Variants in NCK2 observed in about 807,000 individuals in gnomAD.
NCK2 encodes cytoplasmic protein NCK2.
A neutral mutation model predicts 33.9 loss-of-function variants in NCK2; 16 were observed. The observed-to-expected ratio is 0.47, with a 90% CI of 0.32 to 0.72. The LOEUF is 0.72. NCK2 is among the 30% of genes least tolerant of loss of function. The pLI, the probability that NCK2 is intolerant of heterozygous loss-of-function variation, is 0.03. For missense variants in NCK2, 418 were observed against 537.3 expected, an observed-to-expected ratio of 0.78 and a Z score of 2.19; for synonymous variants, 273 against 239.9, an observed-to-expected ratio of 1.14 and a Z score of -1.27.
At chr2:105,875,115 T>C (rs1409269416) in intron 3 of NCK2, among the ~76,000 whole-genome samples, 1 of 152,224 alleles carries the variant, frequency 6.6e-6, no homozygotes, top group Non-Finnish European at 1.5e-5. Flanking sequence ...CCTGTGGTGG[T>C]AGCTTGGTTA....
chr2:105,766,898 G>A (rs967642777), intron 1 of NCK2, among the ~76,000 whole-genome samples: 1 of 152,226 alleles, frequency 6.6e-6, no homozygotes, highest in Non-Finnish European at 1.5e-5. Context: ...ACTGGCTGGA[G>A]GCTTCTGGCT....
At chr2:105,865,054 A>G (rs997170827) in intron 3 of NCK2, among the ~76,000 whole-genome samples, 2 of 152,312 alleles carry the variant, frequency 1.3e-5, no homozygotes, top group East Asian at 3.9e-4. Flanking sequence ...AGGCTCCCTC[A>G]GCCAGCATCA....
intron 1 of NCK2, among the ~76,000 whole-genome samples, chr2:105,764,987 G>A (rs1052262082): frequency 5.9e-5 from 9 of 151,282 alleles, no homozygotes; most frequent in Admixed American, 1.3e-4. Context: ...GCCTGTGTAC[G>A]TCTCTGGGTA....
intron 2 of NCK2, among the ~76,000 whole-genome samples, chr2:105,826,332 C>T (rs537390702): frequency 2.2e-4 from 33 of 152,264 alleles, no homozygotes; most frequent in African/African-American, 6.5e-4. Context: ...TGTCCATTAA[C>T]ACATGGGGAT....
chr2:105,893,467 A>G lies in NCK2; in HGVS notation c.*291A>G. On this transcript the variant is annotated 3_prime_UTR_variant, in exon 5 of 5. Coordinates refer to ENST00000233154, the MANE Select transcript of NCK2 (RefSeq NM_003581.5). ...CATTCAACTCGTTCCCGCTCATGGA[A>G]CCCCTCTTTAAAAAGACGCAGGGCA... is the stretch of plus-strand genomic sequence containing the variant. The G allele has an allele frequency of 6.2e-6, 2 of 323,574 alleles. No homozygotes were observed. The highest frequency in any genetic ancestry group is 5.0e-5 in the South Asian group (1 of 19,998). 20.0% of individuals were successfully genotyped at this position (323,574 alleles called of 1,614,324 possible). A position where few individuals can be genotyped will look rare whatever the true frequency, so the allele number is the denominator to read the frequency against.
In NCK2 at chr2:105,892,699, A is replaced by G. The variant is rs138997516; in HGVS notation, c.949-283A>G. On this transcript the variant is annotated intron_variant, in intron 4 of 4. Coordinates refer to ENST00000233154, the MANE Select transcript of NCK2 (RefSeq NM_003581.5). ...TGTCTCTACTAAAAATACAAATATT[A>G]GCCGGGCATGGTGGCAGGTTCCTGT... Among the ~76,000 whole-genome samples, 332 of 152,324 alleles carry G rather than the reference A, an allele frequency of 2.2e-3. 1 individual carries two copies. The highest frequency in any genetic ancestry group is 7.0e-3 in the African/African-American group (290 of 41,574).
intron 2 of NCK2, among the ~76,000 whole-genome samples, chr2:105,834,134 T>G (rs368180084): frequency 3.3e-5 from 5 of 152,240 alleles, no homozygotes; most frequent in African/African-American, 1.2e-4. Flanking sequence ...TGAAATTTTC[T>G]GTAAATGTCT....
intron 1 of NCK2, among the ~76,000 whole-genome samples, chr2:105,786,966 G>A (rs1463222205): frequency 6.6e-6 from 1 of 152,220 alleles, no homozygotes; most frequent in Non-Finnish European, 1.5e-5. Flanking sequence ...ACTTCAGCTG[G>A]CGTGGTGCCG....
chr2:105,859,437 A>G (rs909417616), intron 3 of NCK2, among the ~76,000 whole-genome samples: 3 of 151,996 alleles, frequency 2.0e-5, no homozygotes, highest in East Asian at 1.9e-4. Context: ...CCCAGGGCTC[A>G]CTCCTCAGCA....
At chr2:105,757,223 G>T (rs1022918170) in intron 1 of NCK2, among the ~76,000 whole-genome samples, 1 of 152,164 alleles carries the variant, frequency 6.6e-6, no homozygotes, top group African/African-American at 2.4e-5. Context: ...ATTGCATAGC[G>T]AAGTTTTAAA....
At chr2:105,791,493 GCTGCAGATTA>G (rs1448807542) in intron 1 of NCK2, among the ~76,000 whole-genome samples, 23 of 152,194 alleles carry the variant, frequency 1.5e-4, no homozygotes, top group African/African-American at 5.3e-4. Flanking sequence ...CCAGAGTGCT[GCTGCAGATTA>G]CTCTTCGCTC....
intron 1 of NCK2, among the ~76,000 whole-genome samples, chr2:105,766,288 A>G (rs1034865046): frequency 6.6e-6 from 1 of 151,930 alleles, no homozygotes; most frequent in African/African-American, 2.4e-5. Flanking sequence ...AACCTGATGT[A>G]TTTCTTTCTC....
chr2:105,760,740 G>A lies in NCK2; in HGVS notation c.-201+15602G>A, dbSNP rs558432857. Among the ~76,000 whole-genome samples, 67 of 152,282 alleles carry A rather than the reference G, an allele frequency of 4.4e-4. 1 individual carries two copies. The South Asian group carries it at 5.6e-3, about 13-fold the overall frequency. ...TGTGGAAAGGCCAGTCAGGGCCAGAGTAGGGAGGTCCCTAGATGCCAGGCT... is the reference window on the plus strand; with the variant it reads ...TGTGGAAAGGCCAGTCAGGGCCAGAATAGGGAGGTCCCTAGATGCCAGGCT... On this transcript the variant is annotated intron_variant, in intron 1 of 4. Transcript: ENST00000233154.
intron 1 of NCK2, among the ~76,000 whole-genome samples, chr2:105,768,145 A>G (rs963031880): frequency 6.6e-6 from 1 of 152,248 alleles, no homozygotes; most frequent in African/African-American, 2.4e-5. Context: ...CATAACCAAA[A>G]TATTTCAACA....
chr2:105,781,245 T>G (rs1263277082), intron 1 of NCK2, among the ~76,000 whole-genome samples: 2 of 152,220 alleles, frequency 1.3e-5, no homozygotes, highest in African/African-American at 4.8e-5. Context: ...CTTGTGAATT[T>G]TATGAACATG....
At chr2:105,792,297 A>G (rs951949235) in intron 1 of NCK2, among the ~76,000 whole-genome samples, 2 of 152,226 alleles carry the variant, frequency 1.3e-5, no homozygotes, top group African/African-American at 4.8e-5. Context: ...CATCATATTC[A>G]GTGTAGTCCT....
intron 1 of NCK2, among the ~76,000 whole-genome samples, chr2:105,756,616 A>G (rs1220906189): frequency 6.6e-6 from 1 of 152,150 alleles, no homozygotes; most frequent in Non-Finnish European, 1.5e-5. Context: ...GTGAGTGGCC[A>G]TGGGGGAATG....
chr2:105,855,257 G>T lies in NCK2; in HGVS notation c.194G>T (p.Gly65Val). 2 of 1,610,838 alleles carry T rather than the reference G, an allele frequency of 1.2e-6. No homozygotes were observed. Among genetic ancestry groups the T allele is most frequent in the Non-Finnish European group, 1.7e-6 (2 of 1,178,510 alleles). The change falls in exon 3 of 5, where the codon GGC becomes GTC. Residue 65 changes from glycine (G) to valine (V), a missense_variant. Gly to Val is a moderately radical substitution (Grantham distance 109). Coordinates refer to ENST00000233154, the MANE Select transcript of NCK2 (RefSeq NM_003581.5). ...YVERKNSLKKGSLVKNLKDTL... is the reference protein window; with the variant it reads ...YVERKNSLKKVSLVKNLKDTL... ...GAGCGGAAGAACAGCCTGAAGAAGG[G>T]CTCCCTCGTGAAGAACCTGAAGGAC...
intron 3 of NCK2, among the ~76,000 whole-genome samples, chr2:105,874,594 C>G (rs1678160523): frequency 6.6e-6 from 1 of 152,212 alleles, no homozygotes; most frequent in Admixed American, 6.5e-5. Context: ...AAAACTTGAG[C>G]ACACCGCGTC....
Sources: gnomAD v4.1 joint callset for allele counts (sites outside exome capture counted in the v4.1 genomes callset) on GRCh38, gnomAD v4.1.1 for gene constraint, MANE v1.5 for transcripts, NCBI Gene and HGNC (gene_info 2026-07-23, HGNC 2026-07-21) for gene names.